The following PEX10 variants were observed in gnomAD, a reference collection of about 807,000 sequenced individuals.
PEX10 encodes peroxisomal biogenesis factor 10.
PEX10 carries 32 observed loss-of-function variants against 38.0 expected under a neutral mutation model. The ratio of observed to expected loss-of-function variants is 0.84; its 90% CI spans 0.63 to 1.13. The LOEUF is 1.13. PEX10 is among the 50% of genes most tolerant of loss of function. The pLI, the probability that PEX10 is intolerant of heterozygous loss-of-function variation, is 0.00. For synonymous variants in PEX10, 206 were observed against 207.3 expected, an observed-to-expected ratio of 0.99 and a Z score of 0.05; for missense variants, 483 against 457.7, an observed-to-expected ratio of 1.06 and a Z score of -0.51.
At position 2,408,845 on chromosome 1, in the gene PEX10, C is replaced by G. The variant is rs1321969110; in HGVS notation, c.207G>C (p.Leu69=). 2.5e-6 allele frequency: 4 copies of G among 1,614,034 alleles called. No individual in the cohort carries two copies. Among genetic ancestry groups the G allele is most frequent in the Non-Finnish European group, 2.5e-6 (3 of 1,179,928 alleles). ...GLTTLAGYQT[L]GEEYVSIIQV... is the part of the protein sequence containing the mutation. The stretch of plus-strand genomic sequence containing the variant: ...GGATGATGCTGACGTACTCCTCCCC[C>G]AGGGTCTGGTAGCCTGCGAGGAAGA... The change falls in exon 3 of 6, where the codon CTG becomes CTC. Residue 69 remains leucine (L), a synonymous_variant. Transcript: ENST00000447513.
rs1463893267 is a variant in PEX10, at chr1:2,405,444, A to G, written c.*322T>C. The G allele has an allele frequency of 2.0e-6, 1 of 492,340 alleles. No homozygotes were observed. The highest frequency in any genetic ancestry group is 3.7e-6 in the Non-Finnish European group (1 of 267,798). The allele number at this position is 492,340 out of a possible 1,614,324, so 30.5% of individuals were successfully genotyped here. ...AAAGTGTCTTCTGGCCTACTTCTGA[A>G]TTACTTCTCAACTGTATGGTTTGGG... On this transcript the variant is annotated 3_prime_UTR_variant, in exon 6 of 6. Transcript: ENST00000447513.
rs374203579 is a variant in PEX10 at position 2,405,850 on chromosome 1, A to G, written c.913-16T>C. The G allele has an allele frequency of 3.7e-5, 58 of 1,577,978 alleles. 1 individual carries two copies. The highest frequency in any genetic ancestry group is 3.1e-4 in the South Asian group (27 of 86,238). On this transcript the variant is annotated splice_polypyrimidine_tract_variant and intron_variant, in intron 5 of 5. Transcript: ENST00000447513. ...GACACTCCGCCTGCGGAGAGGAGAA[A>G]GGGGGTCACAGCAGCTGGGGCCACT...
In PEX10 at chr1:2,409,287, A is replaced by G. The variant is rs191375480; in HGVS notation, c.194-429T>C. On this transcript the variant is annotated intron_variant, in intron 2 of 5. Transcript: ENST00000447513. The surrounding 1 kb of genome is among the most constrained non-coding windows in gnomAD (Gnocchi z 6.2). ...TGGACCTTACTTGTGAGTGCCAGCC[A>G]TGCAGGTCCGCCACCTACCTGACAT... 1.0e-3 allele frequency among the ~76,000 whole-genome samples: 158 copies of G among 152,186 alleles called. No homozygotes were observed. Among genetic ancestry groups the G allele is most frequent in the Non-Finnish European group, 2.0e-3 (134 of 67,994 alleles).
chr1:2,408,946 G>C (rs1279912305), intron 2 of PEX10, 88 bp from the exon 3 acceptor site: 3 of 1,339,390 alleles, frequency 2.2e-6, no homozygotes, highest in African/African-American at 2.9e-5. Context: ...CCCTCTGCTG[G>C]CTCCTGTCAA....
upstream of PEX10, among the ~76,000 whole-genome samples, chr1:2,412,847 C>G (rs1458812177): frequency 6.6e-6 from 1 of 152,144 alleles, no homozygotes; most frequent in Non-Finnish European, 1.5e-5. Context: ...GCTGCGACCT[C>G]GGGGTCCTAC....
chr1:2,405,532 C>T lies in PEX10; in HGVS notation c.*234G>A. On this transcript the variant is annotated 3_prime_UTR_variant, in exon 6 of 6. Coordinates refer to ENST00000447513, the MANE Select transcript of PEX10 (RefSeq NM_002617.4). ...AAATTCCTGAAGAAGTGGCTGAGTCCTACCAGGTTGGGGTTAGGGAAATGT... is the reference window on the plus strand; with the variant it reads ...AAATTCCTGAAGAAGTGGCTGAGTCTTACCAGGTTGGGGTTAGGGAAATGT... The T allele has an allele frequency of 1.6e-6, 1 of 642,698 alleles. No homozygotes were observed. Among genetic ancestry groups the T allele is most frequent in the Non-Finnish European group, 2.8e-6 (1 of 352,776 alleles). The allele number at this position is 642,698 out of a possible 1,614,324, so 39.8% of individuals were successfully genotyped here.
intron 1 of PEX10, among the ~76,000 whole-genome samples, chr1:2,411,422 G>A (rs1263724187): frequency 6.6e-6 from 1 of 151,970 alleles, no homozygotes; most frequent in Non-Finnish European, 1.5e-5. Flanking sequence ...TAGTAGAGAC[G>A]GGGTTTCACC....
In PEX10 at chr1:2,405,807, A is replaced by G. The variant is rs148057567; in HGVS notation, c.940T>C (p.Phe314Leu). The G allele has an allele frequency of 1.4e-5, 22 of 1,601,290 alleles. No homozygotes were observed. Among genetic ancestry groups the G allele is most frequent in the Admixed American group, 3.4e-5 (2 of 58,632 alleles). The change falls in exon 6 of 6, where the codon TTC becomes CTC. Residue 314 changes from phenylalanine (F) to leucine (L), a missense_variant. Coordinates refer to ENST00000447513, the MANE Select transcript of PEX10 (RefSeq NM_002617.4). ...KAECPLCREKFPPQKLIYLRH... is the reference protein window; with the variant it reads ...KAECPLCREKLPPQKLIYLRH... ...AGGTAGATGAGCTTCTGGGGAGGGA[A>G]CTTCTCCCGGCAGAGGGGACACTCC...
chr1:2,412,417 G>A lies in PEX10; in HGVS notation c.86C>T (p.Ala29Val). The change falls in exon 1 of 6, where the codon GCG (alanine) becomes GTG (valine). Residue 29 changes from alanine (A) to valine (V), a missense_variant. Ala to Val is a moderately conservative substitution (Grantham distance 64, BLOSUM62 0). Transcript: ENST00000447513. Reference sequence around the variant, plus strand: ...CGCCAGGCTGTGCAGGGCGCCGCCCGCCGCGCTCCGCAGCCCACCGCGGTA... The same window carrying A: ...CGCCAGGCTGTGCAGGGCGCCGCCCACCGCGCTCCGCAGCCCACCGCGGTA... ...EYYRGGLRSA[A>V]GGALHSLAGA... is the part of the protein sequence containing the mutation. 7.1e-7 allele frequency: 1 copy of A among 1,412,906 alleles called. No individual in the cohort carries two copies. Among genetic ancestry groups the A allele is most frequent in the Non-Finnish European group, 9.2e-7 (1 of 1,087,786 alleles). The allele number at this position is 1,412,906 out of a possible 1,614,324, so 87.5% of individuals were successfully genotyped here.
upstream of PEX10, among the ~76,000 whole-genome samples, chr1:2,412,796 G>A (rs1449172274): frequency 6.6e-6 from 1 of 152,004 alleles, no homozygotes; most frequent in Admixed American, 6.6e-5. Flanking sequence ...CGCGCGAGGG[G>A]CGCTGGCGAG....
intron 3 of PEX10, among the ~76,000 whole-genome samples, chr1:2,407,216 G>C (rs932822973): frequency 1.3e-5 from 2 of 152,234 alleles, no homozygotes; most frequent in African/African-American, 4.8e-5. Context: ...CAGAAAAGGA[G>C]GCGGGGAGCG....
At chr1:2,411,092 C>T (rs1362028387) in intron 1 of PEX10, among the ~76,000 whole-genome samples, 2 of 152,194 alleles carry the variant, frequency 1.3e-5, no homozygotes, top group Non-Finnish European at 2.9e-5. Flanking sequence ...CATGCTCTTC[C>T]TGTCCCATGG....
At chr1:2,412,250 G>T in intron 1 of PEX10, 141 bp downstream of exon 1, 1 of 1,219,266 alleles carries the variant, frequency 8.2e-7, no homozygotes, top group Non-Finnish European at 1.0e-6. Flanking sequence ...TGGCCGCAGG[G>T]CAGGCGAAGG....
rs2100414582 is a variant in PEX10 at position 2,404,471 on chromosome 1, T to C, written c.*1295A>G. 1 of 152,346 alleles carries C rather than the reference T, an allele frequency of 6.6e-6. No homozygotes were observed. The highest frequency in any genetic ancestry group is 1.5e-5 in the Non-Finnish European group (1 of 68,040). The allele number at this position is 152,346 out of a possible 1,614,324, so 9.4% of individuals were successfully genotyped here. A position where few individuals can be genotyped will look rare whatever the true frequency, so the allele number is the denominator to read the frequency against. On this transcript the variant is annotated 3_prime_UTR_variant, in exon 6 of 6. Transcript: ENST00000447513. ...TCGCACGCGCTTGGCCAGAGCACAG[T>C]GAAGCAAAGGACTGGGTGCTGATGG...
intron 1 of PEX10, among the ~76,000 whole-genome samples, chr1:2,411,048 C>G (rs935761263): frequency 6.6e-6 from 1 of 152,128 alleles, no homozygotes; most frequent in East Asian, 1.9e-4. Context: ...ATGGGCCTCC[C>G]GGCACGGAGC....
At position 2,406,633 on chromosome 1, in the gene PEX10, G is replaced by A. The variant is rs771809433; in HGVS notation, c.777-14C>T. The A allele has an allele frequency of 1.4e-5, 22 of 1,612,954 alleles. No individual in the cohort carries two copies. Among genetic ancestry groups the A allele is most frequent in the Non-Finnish European group, 1.9e-5 (22 of 1,179,700 alleles). ...TCCAAGGAGGCCCTGGGGAAGGTGG[G>A]GCAGAGCGTCAAGGTGGGTGCACCT... On this transcript the variant is annotated splice_polypyrimidine_tract_variant and intron_variant, in intron 4 of 5. Coordinates refer to ENST00000447513, the MANE Select transcript of PEX10 (RefSeq NM_002617.4).
At position 2,409,441 on chromosome 1, in the gene PEX10, G is replaced by C. The variant is rs1342059920; in HGVS notation, c.194-583C>G. ...GCAACGCCAGGCCTCCGGTTCCTGAGGTCAAGCCCAAGGGGCACCCTGCAT... is the reference window on the plus strand; with the variant it reads ...GCAACGCCAGGCCTCCGGTTCCTGACGTCAAGCCCAAGGGGCACCCTGCAT... On this transcript the variant is annotated intron_variant, in intron 2 of 5. Coordinates refer to ENST00000447513, the MANE Select transcript of PEX10 (RefSeq NM_002617.4). The surrounding 1 kb of genome is among the most constrained non-coding windows in gnomAD (Gnocchi z 6.2). Among the ~76,000 whole-genome samples, 6 of 152,042 alleles carry C rather than the reference G, an allele frequency of 3.9e-5. No individual in the cohort carries two copies. The highest frequency in any genetic ancestry group is 1.4e-4 in the African/African-American group (6 of 41,388).
chr1:2,412,478 G>GCGCA lies in PEX10; in HGVS notation c.24_25insTGCG (p.Pro9CysfsTer43), dbSNP rs1643275972. 5 of 1,389,072 alleles carry GCGCA rather than the reference G, an allele frequency of 3.6e-6. No homozygotes were observed. The highest frequency in any genetic ancestry group is 3.2e-5 in the Admixed American group (1 of 31,318). 86.0% of individuals were successfully genotyped at this position (1,389,072 alleles called of 1,614,324 possible). ...TTCTGCGCCGCGCGGATCACCTCCG[G>GCGCA]GGGGCTGGCGGCGGCCGGGGCCATG... is the stretch of plus-strand genomic sequence containing the variant. On this transcript the variant is annotated frameshift_variant, in exon 1 of 6. Transcript: ENST00000447513. LOFTEE classifies it high-confidence loss of function.
At chr1:2,412,133 C>T (rs959336238) in intron 1 of PEX10, among the ~76,000 whole-genome samples, 1 of 152,250 alleles carries the variant, frequency 6.6e-6, no homozygotes, top group Non-Finnish European at 1.5e-5. Context: ...ACGGGAAGGG[C>T]TTGGGCGGGA....
Sources: allele counts gnomAD v4.1 joint callset (sites outside exome capture counted in the v4.1 genomes callset), GRCh38; gene constraint gnomAD v4.1.1; non-coding constraint Gnocchi (gnomAD v3.1); transcripts MANE v1.5; gene names NCBI Gene and HGNC (gene_info 2026-07-23, HGNC 2026-07-21).